ACD: variants seen among roughly 807,000 people sequenced by gnomAD.
ACD encodes ACD shelterin complex subunit and telomerase recruitment factor.
Under a neutral mutation model 53.9 loss-of-function variants are expected in ACD, and 39 were observed. The observed-to-expected ratio is 0.72, with a 90% CI of 0.56 to 0.95. The LOEUF is 0.95. Ranked by LOEUF, ACD falls within the 40% of genes least tolerant of loss-of-function variation. The pLI is 0.00. For missense variants in ACD, 526 were observed against 587.9 expected (o/e 0.89, Z 1.09); for synonymous variants, 273 against 249.2 (o/e 1.10, Z -0.90).
Position 67,658,378 on chromosome 16 carries a change from CTTA to C in ACD, c.830-19_830-17del. ...GCCGGGGTTCCTGAGGAGGAGGGGA[CTTA>C]TTGTAGGCACAGCCCTCTCCGCTCA... On this transcript the variant is annotated splice_polypyrimidine_tract_variant and intron_variant, in intron 9 of 11. Coordinates refer to ENST00000620761, the MANE Select transcript of ACD (RefSeq NM_001082486.2). The C allele has an allele frequency of 6.2e-7, 1 of 1,613,332 alleles. No homozygotes were observed. Among genetic ancestry groups the C allele is most frequent in the Non-Finnish European group, 8.5e-7 (1 of 1,179,852 alleles).
chr16:67,660,084 C>A, intron 1 of ACD, 38 bp downstream of exon 1: 1 of 1,611,162 alleles, frequency 6.2e-7, no homozygotes. Flanking sequence ...CCACCCCGGG[C>A]CTCCGCCTCG....
chr16:67,660,234 C>T lies in ACD; in HGVS notation c.-14G>A, dbSNP rs778737223. On this transcript the variant is annotated 5_prime_UTR_variant, in exon 1 of 12. It adds an upstream start codon to the 5' untranslated region. Coordinates refer to ENST00000620761, the MANE Select transcript of ACD (RefSeq NM_001082486.2). Reference sequence around the variant, plus strand: ...CGAACCTGCCATCCCCACGGCTACACCCAGCGGATGCAACGGGCCCGGGTT... The same window carrying T: ...CGAACCTGCCATCCCCACGGCTACATCCAGCGGATGCAACGGGCCCGGGTT... 1.2e-6 allele frequency: 2 copies of T among 1,612,674 alleles called. No homozygotes were observed. The highest frequency in any genetic ancestry group is 2.2e-5 in the East Asian group (1 of 44,864).
Position 67,658,212 on chromosome 16 carries a change from G to C in ACD, c.980C>G (p.Thr327Ser), listed in dbSNP as rs1300291520. 5.0e-6 allele frequency: 8 copies of C among 1,613,172 alleles called. 1 individual carries two copies. The African/African-American group carries it at 1.1e-4, about 22-fold the overall frequency. Residue 327 changes from threonine to serine, a missense_variant, in exon 10 of 12, where the codon ACC (threonine) becomes AGC (serine). Thr to Ser is a moderately conservative substitution (Grantham distance 58). Transcript: ENST00000620761. ...PAICSAPATL[T>S]PRSPHASRTP... The stretch of plus-strand genomic sequence containing the variant: ...ACGGCTGGCGTGTGGGGACCTGGGG[G>C]TCAGGGTGGCAGGGGCTGAGCAGAT...
chr16:67,657,572 A>T lies in ACD; in HGVS notation c.*34T>A. 6.2e-7 allele frequency: 1 copy of T among 1,614,100 alleles called. No individual in the cohort carries two copies. The highest frequency in any genetic ancestry group is 8.5e-7 in the Non-Finnish European group (1 of 1,179,952). On this transcript the variant is annotated 3_prime_UTR_variant, in exon 12 of 12. Coordinates refer to ENST00000620761, the MANE Select transcript of ACD (RefSeq NM_001082486.2). The surrounding 1 kb of genome is among the most constrained non-coding windows in gnomAD (Gnocchi z 4.5). Reference sequence around the variant, plus strand: ...TTTTATTAAAAAACTCAAAGGAAGCAGAGTGTGGAGCGGTATCTGTCCTGC... The same window carrying T: ...TTTTATTAAAAAACTCAAAGGAAGCTGAGTGTGGAGCGGTATCTGTCCTGC...
At chr16:67,659,453 C>T (rs2052953775) in intron 4 of ACD, 34 bp from the exon 5 acceptor site, 2 of 1,613,950 alleles carry the variant, frequency 1.2e-6, no homozygotes, top group African/African-American at 2.7e-5. Context: ...AATGGGGGCC[C>T]AAGCCCTCCT....
At chr16:67,658,421 C>T in intron 9 of ACD, 59 bp from the exon 10 acceptor site, 1 of 1,610,454 alleles carries the variant, frequency 6.2e-7, no homozygotes, top group Non-Finnish European at 8.5e-7. Context: ...AGCTGAGTGG[C>T]CTGCGAGCTC....
In ACD at chr16:67,659,989, G is replaced by C. The variant is rs1261812893; in HGVS notation, c.156C>G (p.Ser52=). 1 of 1,609,022 alleles carries C rather than the reference G, an allele frequency of 6.2e-7. No homozygotes were observed. The highest frequency in any genetic ancestry group is 2.2e-5 in the East Asian group (1 of 44,838). ...ACACAAGCAGCGTGGCCCCGACGTC[G>C]GACGTATCAGGGGCGTGGGATGGGC... ...VAGPSHAPDT[S]DVGATLLVSD... The change falls in exon 2 of 12, where the codon TCC becomes TCG. Residue 52 remains serine (S), a synonymous_variant. Transcript: ENST00000620761.
chr16:67,658,890 C>T, intron 7 of ACD, 38 bp downstream of exon 7: 2 of 1,607,386 alleles, frequency 1.2e-6, no homozygotes, highest in Non-Finnish European at 1.7e-6. Context: ...TGCCCAACTC[C>T]TCACCCTGAC....
intron 5 of ACD, 26 bp downstream of exon 5, chr16:67,659,349 G>GC (rs2052949828): frequency 6.2e-7 from 1 of 1,613,906 alleles, no homozygotes. Flanking sequence ...ACAACACGTG[G>GC]CCCCCGAGCC....
chr16:67,660,201 A>G lies in ACD; in HGVS notation c.20T>C (p.Leu7Pro). 1.2e-6 allele frequency: 2 copies of G among 1,612,632 alleles called. No homozygotes were observed. Among genetic ancestry groups the G allele is most frequent in the Non-Finnish European group, 1.7e-6 (2 of 1,179,920 alleles). The change falls in exon 1 of 12, where the codon CTG becomes CCG. Residue 7 changes from leucine to proline, a missense_variant. Coordinates refer to ENST00000620761, the MANE Select transcript of ACD (RefSeq NM_001082486.2). ...CTCCCGAATCCAGGGCCGTAGGACC[A>G]GCCTCCCCGAACCTGCCATCCCCAC... The part of the protein sequence containing the change: MAGSGR[L>P]VLRPWIRELI...
Position 67,659,688 on chromosome 16 carries a change from G to GT in ACD, c.336+13dup. ...CATGCCCGGTAACCCGCCCAAGGCA[G>GT]TCTCACCACTCACCGCGCCGCCCTC... On this transcript the variant is annotated intron_variant, in intron 3 of 11. Transcript: ENST00000620761. The GT allele has an allele frequency of 1.2e-6, 2 of 1,613,102 alleles. No individual in the cohort carries two copies. The highest frequency in any genetic ancestry group is 2.2e-5 in the South Asian group (2 of 91,092).
chr16:67,658,968 G>A lies in ACD; in HGVS notation c.605C>T (p.Pro202Leu). 1 of 1,613,876 alleles carries A rather than the reference G, an allele frequency of 6.2e-7. No individual in the cohort carries two copies. Among genetic ancestry groups the A allele is most frequent in the Non-Finnish European group, 8.5e-7 (1 of 1,180,000 alleles). ...TGAGGCAGCCCAGTGGGTGACAGGGGGTGCTGTGCAAGGGCCCTCCAGTGT... is the reference window on the plus strand; with the variant it reads ...TGAGGCAGCCCAGTGGGTGACAGGGAGTGCTGTGCAAGGGCCCTCCAGTGT... The part of the protein sequence containing the change: ...CLTLEGPCTA[P>L]PVTHWAASRC... The change falls in exon 7 of 12, where the codon CCC (proline) becomes CTC (leucine). Residue 202 changes from proline (P) to leucine (L), a missense_variant. Coordinates refer to ENST00000620761, the MANE Select transcript of ACD (RefSeq NM_001082486.2).
intron 2 of ACD, 50 bp from the exon 3 acceptor site, chr16:67,659,845 G>T: frequency 1.3e-6 from 2 of 1,581,218 alleles, no homozygotes; most frequent in East Asian, 2.3e-5. Context: ...CACAAGGCCC[G>T]CCCACCTCGC....
At position 67,657,608 on chromosome 16, in the gene ACD, A is replaced by C. The variant is rs781775830; in HGVS notation, c.1375T>G (p.Ter459GlyextTer15). Residue 459 changes from the stop codon to glycine, a stop_lost, in exon 12 of 12, where the codon TGA becomes GGA. Coordinates refer to ENST00000620761, the MANE Select transcript of ACD (RefSeq NM_001082486.2). This position sits in a 1 kb window ranked among gnomAD's most constrained non-coding sequence, Gnocchi z 4.5. ...CGGTATCTGTCCTGCGTGACGTCTC[A>C]CATCGGAGTTGGCTCAGACCCTGGC... is the stretch of plus-strand genomic sequence containing the variant. ...AQPGSEPTPM[*>G] 3 of 1,614,036 alleles carry C rather than the reference A, an allele frequency of 1.9e-6. No homozygotes were observed. Among genetic ancestry groups the C allele is most frequent in the African/African-American group, 2.7e-5 (2 of 74,918 alleles).
chr16:67,659,547 C>A lies in ACD; in HGVS notation c.403G>T (p.Val135Leu). The A allele has an allele frequency of 6.2e-7, 1 of 1,613,102 alleles. No homozygotes were observed. The highest frequency in any genetic ancestry group is 8.5e-7 in the Non-Finnish European group (1 of 1,179,466). ...LLPTEQPRLRVPGCNQDLDVQ... is the reference protein window; with the variant it reads ...LLPTEQPRLRLPGCNQDLDVQ... ...GGAGGCATCACTTACCAACCAGGCA[C>A]CCGTAGCCGGGGCTGCTCCGTGGGC... Residue 135 changes from valine (V) to leucine (L), a missense_variant, in exon 4 of 12, where the codon GTG (valine) becomes TTG (leucine). Coordinates refer to ENST00000620761, the MANE Select transcript of ACD (RefSeq NM_001082486.2).
rs148124985 is a variant in ACD at position 67,660,240 on chromosome 16, G to A, written c.-20C>T. The A allele has an allele frequency of 9.9e-6, 16 of 1,612,454 alleles. No homozygotes were observed. Among genetic ancestry groups the A allele is most frequent in the South Asian group, 5.5e-5 (5 of 91,092 alleles). On this transcript the variant is annotated 5_prime_UTR_variant, in exon 1 of 12. Transcript: ENST00000620761. ...TGCCATCCCCACGGCTACACCCAGC[G>A]GATGCAACGGGCCCGGGTTTCCCGC... is the stretch of plus-strand genomic sequence containing the variant.
Position 67,658,538 on chromosome 16 carries a change from C to T in ACD, c.829+17G>A. ...GACAGGCGGCAGTGAGTGCCTGTGACCTGTGCATCACCTCACCTGAGGAAC... is the reference window on the plus strand; with the variant it reads ...GACAGGCGGCAGTGAGTGCCTGTGATCTGTGCATCACCTCACCTGAGGAAC... On this transcript the variant is annotated intron_variant, in intron 9 of 11. Coordinates refer to ENST00000620761, the MANE Select transcript of ACD (RefSeq NM_001082486.2). 1 of 1,569,498 alleles carries T rather than the reference C, an allele frequency of 6.4e-7. No individual in the cohort carries two copies. Among genetic ancestry groups the T allele is most frequent in the Non-Finnish European group, 8.7e-7 (1 of 1,155,916 alleles).
In ACD at chr16:67,659,027, C is replaced by G. The variant is rs2052938279; in HGVS notation, c.546G>C (p.Gln182His). The G allele has an allele frequency of 6.2e-7, 1 of 1,613,838 alleles. No homozygotes were observed. Among genetic ancestry groups the G allele is most frequent in the African/African-American group, 1.3e-5 (1 of 74,928 alleles). ...LDEMREDQEH[Q>H]GALVCLAESC... ...TTTCAGCCAGGCACACGAGTGCCCC[C>G]TGATGCTCCTGGTCCTCCCGCATTT... Residue 182 changes from glutamine to histidine, a missense_variant, in exon 7 of 12, where the codon CAG (glutamine) becomes CAC (histidine). Gln to His is a conservative substitution (Grantham distance 24). Transcript: ENST00000620761.
rs1006777863 is a variant in ACD, at chr16:67,658,242, G to A, written c.950C>T (p.Pro317Leu). 2.5e-6 allele frequency: 4 copies of A among 1,613,466 alleles called. No homozygotes were observed. In the African/African-American group the frequency reaches 5.3e-5, roughly 22 times the overall value. Residue 317 changes from proline (P) to leucine (L), a missense_variant, in exon 10 of 12, where the codon CCA becomes CTA. Physicochemically the swap from Pro to Leu is moderately conservative, Grantham distance 98. Coordinates refer to ENST00000620761, the MANE Select transcript of ACD (RefSeq NM_001082486.2). ...GGTGGCAGGGGCTGAGCAGATGGCT[G>A]GTGAGGGCTGGGAGCTGCTTCTCTG... is the stretch of plus-strand genomic sequence containing the variant. ...PGQRSSSQPS[P>L]AICSAPATLT...
Sources: allele counts gnomAD v4.1 joint callset, GRCh38; gene constraint gnomAD v4.1.1; non-coding constraint Gnocchi (gnomAD v3.1); transcripts MANE v1.5; gene names NCBI Gene and HGNC (gene_info 2026-07-23, HGNC 2026-07-21).